Variants in AR observed in about 807,000 individuals in gnomAD.
AR encodes the protein androgen receptor, also known as dihydrotestosterone receptor.
Under a neutral mutation model 53.9 loss-of-function variants are expected in AR, and 8 were observed. That is an observed-to-expected ratio of 0.15 (90% CI 0.09 to 0.27). AR has a LOEUF of 0.27. AR is among the 10% of genes least tolerant of loss of function. The pLI is 1.00. For synonymous variants in AR, 359 were observed against 316.4 expected (o/e 1.13, Z -1.43); for missense variants, 639 against 742.5 (o/e 0.86, Z 1.62).
intron 1 of AR, among the ~76,000 whole-genome samples, chrX:67,630,770 G>T (rs1817733575): frequency 9.0e-6 from 1 of 110,562 alleles, no homozygotes; most frequent in African/African-American, 3.3e-5. Context: ...TTTTGCAGCG[G>T]CTGGTACCGG....
At position 67,643,358 on chromosome X, in the gene AR, A is replaced by G. The variant is rs1456895834; in HGVS notation, c.1719A>G (p.Gly573=). The change falls in exon 2 of 8, where the codon GGA becomes GGG. Residue 573 remains glycine (G), a synonymous_variant. Coordinates refer to ENST00000374690, the MANE Select transcript of AR (RefSeq NM_000044.6). The part of the protein sequence containing the change: ...CGDEASGCHY[G]ALTCGSCKVF... ...ATGAAGCTTCTGGGTGTCACTATGG[A>G]GCTCTCACATGTGGAAGCTGCAAGG... The G allele has an allele frequency of 9.1e-5, 110 of 1,209,514 alleles. No homozygotes were observed. The highest frequency in any genetic ancestry group is 1.2e-4 in the Non-Finnish European group (109 of 895,106).
At chrX:67,568,373 C>G (rs1239659427) in intron 1 of AR, among the ~76,000 whole-genome samples, 1 of 111,374 alleles carries the variant, frequency 9.0e-6, no homozygotes, top group African/African-American at 3.3e-5. Context: ...GCAACTGAAA[C>G]CCAGACAGGG....
chrX:67,649,347 G>A lies in AR; in HGVS notation c.1768+5940G>A, dbSNP rs201603773. Among the ~76,000 whole-genome samples the A allele has an allele frequency of 1.1e-4, 12 of 112,046 alleles. No homozygotes were observed. The East Asian group carries it at 1.1e-3, about 10-fold the overall frequency. On this transcript the variant is annotated intron_variant, in intron 2 of 7. Coordinates refer to ENST00000374690, the MANE Select transcript of AR (RefSeq NM_000044.6). ...CTGCAATAAACATACGTATGCATGC[G>A]TCTTTATAGAAGAATGACTTATAAT...
Position 67,725,235 on chromosome X carries a change from G to GA in AR, c.*1395dup. The GA allele has an allele frequency of 5.7e-6, 1 of 174,943 alleles. No homozygotes were observed. The highest frequency in any genetic ancestry group is 1.1e-5 in the Non-Finnish European group (1 of 91,383). 14.4% of individuals were successfully genotyped at this position (174,943 alleles called of 1,213,427 possible). On this transcript the variant is annotated 3_prime_UTR_variant, in exon 8 of 8. Transcript: ENST00000374690. ...AGAAGGTTAGCAGGCCAACAGCTCT[G>GA]ACATCTATCTGTAGATGCCAGTAGT...
At chrX:67,682,540 C>T (rs1478258870) in intron 2 of AR, among the ~76,000 whole-genome samples, 1 of 111,134 alleles carries the variant, frequency 9.0e-6, no homozygotes, top group African/African-American at 3.3e-5. Context: ...ATCTTTCCAC[C>T]TTGGCCTTCC....
At chrX:67,619,533 TATC>T (rs753867996) in intron 1 of AR, among the ~76,000 whole-genome samples, 1 of 111,013 alleles carries the variant, frequency 9.0e-6, no homozygotes, top group Non-Finnish European at 1.9e-5. Flanking sequence ...TATATAGTCT[TATC>T]ATAGTTGATC....
chrX:67,655,718 A>G (rs1351990692), intron 2 of AR, among the ~76,000 whole-genome samples: 2 of 111,437 alleles, frequency 1.8e-5, no homozygotes, highest in Non-Finnish European at 3.8e-5. Flanking sequence ...TAACTGTAAA[A>G]TAGGCATACA....
chrX:67,660,323 C>T (rs1282707488), intron 2 of AR, among the ~76,000 whole-genome samples: 3 of 111,727 alleles, frequency 2.7e-5, no homozygotes, highest in Admixed American at 9.5e-5. Context: ...CGTAGGTTTT[C>T]TTCTAGGGTT....
rs1924157820 is a variant in AR, at chrX:67,617,093, A to G, written c.1617-26163A>G. Among the ~76,000 whole-genome samples the G allele has an allele frequency of 3.6e-5, 4 of 111,829 alleles. No individual in the cohort carries two copies. In the Admixed American group the frequency reaches 3.8e-4, roughly 11 times the overall value. On this transcript the variant is annotated intron_variant, in intron 1 of 7. Transcript: ENST00000374690. ...AGAAGTTGTGGTGTGTAGGTATATAAGCCAAGCTCTTTTCTTCACTTGCTT... is the reference window on the plus strand; with the variant it reads ...AGAAGTTGTGGTGTGTAGGTATATAGGCCAAGCTCTTTTCTTCACTTGCTT...
At chrX:67,665,964 G>C (rs752869292) in intron 2 of AR, among the ~76,000 whole-genome samples, 1 of 110,838 alleles carries the variant, frequency 9.0e-6, no homozygotes, top group East Asian at 2.8e-4. Flanking sequence ...ATATGTATGA[G>C]GTACCTGAGG....
At chrX:67,663,039 C>T (rs1927028619) in intron 2 of AR, among the ~76,000 whole-genome samples, 1 of 111,560 alleles carries the variant, frequency 9.0e-6, no homozygotes, top group Non-Finnish European at 1.9e-5. Context: ...AGACGGGTTT[C>T]CTGAATACAG....
chrX:67,693,746 G>A (rs772161446), intron 3 of AR, among the ~76,000 whole-genome samples: 1 of 111,741 alleles, frequency 8.9e-6, no homozygotes, highest in Admixed American at 9.5e-5. Context: ...ACAGGAAATT[G>A]CATCGCTATC....
At chrX:67,587,970 G>T (rs1922638666) in intron 1 of AR, among the ~76,000 whole-genome samples, 1 of 109,698 alleles carries the variant, frequency 9.1e-6, no homozygotes. Context: ...ATGTTGAAAT[G>T]CACTGCTCTT....
At chrX:67,643,159 T>C (rs188851137) in intron 1 of AR, 97 bp from the exon 2 acceptor site, 3 of 1,020,163 alleles carry the variant, frequency 2.9e-6, no homozygotes, top group African/African-American at 3.7e-5. Context: ...ATAATAGTCA[T>C]TTATGCCTGC....
At chrX:67,552,649 A>G (rs1318137133) in intron 1 of AR, among the ~76,000 whole-genome samples, 1 of 112,365 alleles carries the variant, frequency 8.9e-6, no homozygotes, top group African/African-American at 3.2e-5. Context: ...ACTGTTTTAC[A>G]ATCCCATCAG....
intron 1 of AR, among the ~76,000 whole-genome samples, chrX:67,555,818 C>A (rs1921025503): frequency 8.9e-6 from 1 of 112,349 alleles, no homozygotes; most frequent in African/African-American, 3.2e-5. Context: ...GGCAGGATTT[C>A]CCTGGGAATG....
intron 2 of AR, among the ~76,000 whole-genome samples, chrX:67,676,396 A>C (rs2075900253): frequency 8.9e-6 from 1 of 112,448 alleles, no homozygotes; most frequent in African/African-American, 3.2e-5. Flanking sequence ...TTGCAGAGAT[A>C]ACCTCCAAAT....
chrX:67,641,817 A>T lies in AR; in HGVS notation c.1617-1439A>T, dbSNP rs139700080. Among the ~76,000 whole-genome samples the T allele has an allele frequency of 8.1e-3, 872 of 108,299 alleles. 7 individuals carry two copies. The highest frequency in any genetic ancestry group is 0.028 in the African/African-American group (830 of 29,828). The allele number at this position is 108,299 out of a possible 115,157, so 94.0% of individuals were successfully genotyped here. On this transcript the variant is annotated intron_variant, in intron 1 of 7. Coordinates refer to ENST00000374690, the MANE Select transcript of AR (RefSeq NM_000044.6). ...GAAAGTTTTCTTTGCTCTTGTCCTGACATAGCTGTTCACTTGGGGTTGAGG... is the reference window on the plus strand; with the variant it reads ...GAAAGTTTTCTTTGCTCTTGTCCTGTCATAGCTGTTCACTTGGGGTTGAGG...
intron 3 of AR, chrX:67,695,536 T>C (rs952697125): frequency 1.5e-5 from 11 of 751,921 alleles, no homozygotes; most frequent in Non-Finnish European, 1.6e-6. Flanking sequence ...CAGACTCAAA[T>C]ATTGTATTGA....
Sources: allele counts gnomAD v4.1 joint callset (sites outside exome capture counted in the v4.1 genomes callset), GRCh38; gene constraint gnomAD v4.1.1; transcripts MANE v1.5; gene names NCBI Gene and HGNC (gene_info 2026-07-23, HGNC 2026-07-21).